LSAMP: variants seen among roughly 807,000 people sequenced by gnomAD.
LSAMP encodes limbic system associated membrane protein.
In LSAMP, 7 loss-of-function variants were observed where a neutral mutation model predicts 38.6. The observed-to-expected ratio is 0.18, with a 90% CI of 0.10 to 0.34. LSAMP has a LOEUF of 0.34. LSAMP is among the 10% of genes least tolerant of loss of function. The probability of loss-of-function intolerance (pLI) is 1.00; values close to 1 mark genes in which losing one functional copy is unlikely to be tolerated. For missense variants in LSAMP, 313 were observed against 420.0 expected (o/e 0.75, Z 2.23); for synonymous variants, 154 against 166.8 (o/e 0.92, Z 0.59).
intron 3 of LSAMP, among the ~76,000 whole-genome samples, chr3:116,008,161 T>A (rs781163011): frequency 9.2e-5 from 14 of 152,234 alleles, no homozygotes; most frequent in Non-Finnish European, 2.1e-4. Context: ...GCTTTTTCAT[T>A]AATAAATCAC....
chr3:116,273,813 T>TCTCTCTCTCTC (rs1366882405), intron 1 of LSAMP, among the ~76,000 whole-genome samples: 2 of 136,784 alleles, frequency 1.5e-5, no homozygotes, highest in Admixed American at 7.4e-5. Flanking sequence ...TTTTCTTTCT[T>TCTCTCTCTCTC]TCTCTCTCTC....
chr3:116,062,948 G>A (rs957003430), intron 2 of LSAMP, among the ~76,000 whole-genome samples: 2 of 152,120 alleles, frequency 1.3e-5, no homozygotes, highest in Non-Finnish European at 2.9e-5. Flanking sequence ...AGGGTGAAAG[G>A]ACTACAACAT....
intron 3 of LSAMP, among the ~76,000 whole-genome samples, chr3:115,969,241 G>T (rs1018027224): frequency 6.6e-6 from 1 of 152,124 alleles, no homozygotes; most frequent in Non-Finnish European, 1.5e-5. Flanking sequence ...ATTGGTGAAG[G>T]CTTCTGTTTG....
At chr3:116,193,610 G>C (rs1374644195) in intron 1 of LSAMP, among the ~76,000 whole-genome samples, 1 of 152,134 alleles carries the variant, frequency 6.6e-6, no homozygotes, top group African/African-American at 2.4e-5. Flanking sequence ...CATTGTGCTA[G>C]ACAATGACTG....
intron 1 of LSAMP, among the ~76,000 whole-genome samples, chr3:116,200,926 C>T (rs1353970370): frequency 6.6e-6 from 1 of 152,220 alleles, no homozygotes; most frequent in Non-Finnish European, 1.5e-5. Flanking sequence ...CCTTGTCAAA[C>T]TCTTCAAGGG....
At chr3:115,926,525 T>C (rs573336550) in intron 3 of LSAMP, among the ~76,000 whole-genome samples, 1 of 152,220 alleles carries the variant, frequency 6.6e-6, no homozygotes, top group South Asian at 2.1e-4. Context: ...TTCTCAAACA[T>C]GGATGAACAT....
intron 1 of LSAMP, among the ~76,000 whole-genome samples, chr3:116,356,004 G>A (rs558309377): frequency 4.1e-4 from 62 of 152,254 alleles, no homozygotes; most frequent in African/African-American, 1.3e-3. Context: ...CAGCCACTAT[G>A]GAGAATAGTT....
intron 1 of LSAMP, among the ~76,000 whole-genome samples, chr3:116,269,192 T>C (rs866018409): frequency 6.6e-6 from 1 of 152,062 alleles, no homozygotes; most frequent in African/African-American, 2.4e-5. Flanking sequence ...GTGAAAGAAT[T>C]TAATAGCAAG....
At chr3:115,980,856 G>A (rs189701296) in intron 3 of LSAMP, among the ~76,000 whole-genome samples, 2 of 152,218 alleles carry the variant, frequency 1.3e-5, no homozygotes, top group East Asian at 3.9e-4. Flanking sequence ...TAGCCTTTAT[G>A]CTTCAGAAAA....
intron 3 of LSAMP, among the ~76,000 whole-genome samples, chr3:116,001,867 C>T (rs1157194516): frequency 3.3e-5 from 5 of 152,150 alleles, no homozygotes. Flanking sequence ...TAGATTTTAA[C>T]TTAATTACAT....
At chr3:115,902,887 G>A (rs969167881) in intron 3 of LSAMP, among the ~76,000 whole-genome samples, 1 of 152,184 alleles carries the variant, frequency 6.6e-6, no homozygotes, top group African/African-American at 2.4e-5. Flanking sequence ...TCTATGAACT[G>A]TTGGTAGGAG....
chr3:116,426,719 T>A (rs1434171257), intron 1 of LSAMP, among the ~76,000 whole-genome samples: 3 of 152,186 alleles, frequency 2.0e-5, no homozygotes, highest in African/African-American at 7.2e-5. Context: ...GCTGCCTGTA[T>A]CTTCTCTCTT....
At chr3:116,300,761 C>T (rs1392572145) in intron 1 of LSAMP, among the ~76,000 whole-genome samples, 1 of 152,090 alleles carries the variant, frequency 6.6e-6, no homozygotes, top group Non-Finnish European at 1.5e-5. Context: ...ATGAAACCAG[C>T]CCCTGGTGCC....
chr3:116,282,615 T>C (rs1178073316), intron 1 of LSAMP, among the ~76,000 whole-genome samples: 2 of 152,160 alleles, frequency 1.3e-5, no homozygotes, highest in Non-Finnish European at 2.9e-5. Context: ...TTTTCTGACA[T>C]GTGGATTTTA....
At chr3:116,040,870 T>A (rs1481270735) in intron 2 of LSAMP, among the ~76,000 whole-genome samples, 5 of 152,218 alleles carry the variant, frequency 3.3e-5, no homozygotes, top group African/African-American at 1.2e-4. Flanking sequence ...TTGCTAGAAC[T>A]ACAGATACAT....
rs566731555 is a variant in LSAMP, at chr3:116,438,475, T to A, written c.155+6402A>T. Among the ~76,000 whole-genome samples, 10 of 152,314 alleles carry A rather than the reference T, an allele frequency of 6.6e-5. No individual in the cohort carries two copies. The East Asian group carries it at 1.5e-3, about 23-fold the overall frequency. On this transcript the variant is annotated intron_variant, in intron 1 of 6. Transcript: ENST00000490035. ...TGTTGACCATTTTGAACTTATTACA[T>A]CCTTTATGAAAAGTCTTTATCTATG...
intron 1 of LSAMP, among the ~76,000 whole-genome samples, chr3:116,151,142 C>A (rs1210228791): frequency 6.6e-6 from 1 of 151,788 alleles, no homozygotes; most frequent in Non-Finnish European, 1.5e-5. Flanking sequence ...AAAGATAAAC[C>A]CCTAGGATAC....
chr3:116,223,557 C>G (rs1164600300), intron 1 of LSAMP, among the ~76,000 whole-genome samples: 5 of 152,030 alleles, frequency 3.3e-5, no homozygotes, highest in Admixed American at 2.6e-4. Flanking sequence ...AGTAGAAAAA[C>G]AGACCGTAAA....
chr3:116,354,101 T>C (rs1385194450), intron 1 of LSAMP, among the ~76,000 whole-genome samples: 1 of 152,168 alleles, frequency 6.6e-6, no homozygotes, highest in Non-Finnish European at 1.5e-5. Flanking sequence ...ACATGGACTT[T>C]TAATTCTGAT....
Sources: gnomAD v4.1 joint callset for allele counts (sites outside exome capture counted in the v4.1 genomes callset) on GRCh38, gnomAD v4.1.1 for gene constraint, MANE v1.5 for transcripts, NCBI Gene and HGNC (gene_info 2026-07-23, HGNC 2026-07-21) for gene names.